The following NRG1 variants were observed in gnomAD, a reference collection of about 807,000 sequenced individuals.
NRG1 encodes neuregulin 1.
A neutral mutation model predicts 63.8 loss-of-function variants in NRG1; 18 were observed. That is an observed-to-expected ratio of 0.28 (90% CI 0.19 to 0.42). NRG1 has a LOEUF of 0.42. Ranked by LOEUF, NRG1 falls within the 10% of genes least tolerant of loss-of-function variation. The probability of loss-of-function intolerance (pLI) is 1.00; values close to 1 mark genes in which losing one functional copy is unlikely to be tolerated. For missense variants in NRG1, 762 were observed against 814.7 expected (o/e 0.94, Z 0.79); for synonymous variants, 302 against 301.3 (o/e 1.00, Z -0.02).
intron 1 of NRG1, among the ~76,000 whole-genome samples, chr8:31,784,665 C>T (rs1311769609): frequency 1.3e-5 from 2 of 152,154 alleles, no homozygotes; most frequent in African/African-American, 2.4e-5. Context: ...TACACAGCCA[C>T]ACCTTAGGAC....
chr8:31,689,868 G>A (rs906937655), intron 1 of NRG1, among the ~76,000 whole-genome samples: 1 of 152,172 alleles, frequency 6.6e-6, no homozygotes, highest in African/African-American at 2.4e-5. Flanking sequence ...CAGGTTTAGG[G>A]ATTGTTTGTA....
At chr8:31,976,082 T>C (rs367806537) in intron 1 of NRG1, among the ~76,000 whole-genome samples, 33 of 152,144 alleles carry the variant, frequency 2.2e-4, no homozygotes, top group African/African-American at 8.0e-4. Flanking sequence ...GGCTGTAAAG[T>C]GACATGTTGT....
chr8:32,579,356 C>T lies in NRG1; in HGVS notation c.101-16472C>T, dbSNP rs187675612. ...TAGATCTTCGTGGCTCACTTTAGAG[C>T]GTAACAGCACTGGGAGGTGATCTGA... On this transcript the variant is annotated intron_variant, in intron 1 of 11. Coordinates refer to ENST00000356819, the Ensembl canonical transcript of NRG1. Among the ~76,000 whole-genome samples, 1,378 of 152,204 alleles carry T rather than the reference C, an allele frequency of 9.1e-3. 23 individuals carry two copies. Among genetic ancestry groups the T allele is most frequent in the African/African-American group, 0.031 (1,298 of 41,524 alleles).
In NRG1 at chr8:32,210,394, G is replaced by A. The variant is rs540265679; in HGVS notation, c.38-385434G>A. Among the ~76,000 whole-genome samples the A allele has an allele frequency of 9.9e-5, 15 of 152,198 alleles. No homozygotes were observed. In the South Asian group the frequency reaches 1.0e-3, roughly 11 times the overall value. On this transcript the variant is annotated intron_variant, in intron 1 of 10. Transcript: ENST00000519301. ...TGACAATTTGTTGAAGACTAAAAGG[G>A]AAAAAGCCAAACACCTTAGTATGCT...
intron 7 of NRG1, among the ~76,000 whole-genome samples, chr8:32,752,191 G>A (rs1468957150): frequency 1.3e-5 from 2 of 152,114 alleles, no homozygotes; most frequent in Non-Finnish European, 2.9e-5. Context: ...TGGGTCCCAG[G>A]GAGAGAAGGA....
chr8:32,154,233 G>A (rs35345476), intron 1 of NRG1, among the ~76,000 whole-genome samples: 67,383 of 151,844 alleles, frequency 0.44, 16,816 homozygotes, highest in Admixed American at 0.57. Flanking sequence ...GCAGTTTTGC[G>A]ATCTCTCTAC....
At position 32,041,282 on chromosome 8, in the gene NRG1, T is replaced by G. The variant is rs185744750; in HGVS notation, c.37+401851T>G. The stretch of plus-strand genomic sequence containing the variant: ...GATTTCTCCTTCTTAATTACTACAT[T>G]TATTATGGTATTTACCCTGTTCAAA... On this transcript the variant is annotated intron_variant, in intron 1 of 10. Coordinates refer to the NRG1 transcript ENST00000519301. Among the ~76,000 whole-genome samples the G allele has an allele frequency of 2.1e-3, 319 of 152,296 alleles. 1 individual carries two copies. The highest frequency in any genetic ancestry group is 7.3e-3 in the African/African-American group (304 of 41,564).
intron 1 of NRG1, among the ~76,000 whole-genome samples, chr8:32,179,533 A>G (rs941818554): frequency 1.3e-5 from 2 of 152,234 alleles, no homozygotes; most frequent in Non-Finnish European, 2.9e-5. Context: ...TCCATTAAGT[A>G]ACTTGGCTGA....
At chr8:32,612,078 T>C (rs1385944621) in intron 3 of NRG1, among the ~76,000 whole-genome samples, 1 of 152,088 alleles carries the variant, frequency 6.6e-6, no homozygotes, top group East Asian at 1.9e-4. Flanking sequence ...CTGTGTTCAG[T>C]TTCTGATAAT....
chr8:32,389,725 C>T (rs1811468307), intron 1 of NRG1, among the ~76,000 whole-genome samples: 2 of 151,278 alleles, frequency 1.3e-5, no homozygotes, highest in South Asian at 2.1e-4. Flanking sequence ...ACAATTCTTA[C>T]AAGGTCCTGC....
chr8:32,441,712 C>T (rs2129487471), intron 1 of NRG1, among the ~76,000 whole-genome samples: 1 of 152,260 alleles, frequency 6.6e-6, no homozygotes, highest in South Asian at 2.1e-4. Flanking sequence ...AAGCTTTACT[C>T]TGGAGTCTCA....
intron 1 of NRG1, among the ~76,000 whole-genome samples, chr8:32,168,027 GA>G (rs1466819105): frequency 1.3e-5 from 2 of 151,918 alleles, no homozygotes; most frequent in African/African-American, 2.4e-5. Context: ...TCATTTAGGG[GA>G]AAAAAATATA....
chr8:32,279,105 G>A (rs372845368), intron 1 of NRG1, among the ~76,000 whole-genome samples: 105 of 152,286 alleles, frequency 6.9e-4, no homozygotes, highest in African/African-American at 2.2e-3. Context: ...CAATACTAGA[G>A]AAGCCCCAGA....
intron 1 of NRG1, among the ~76,000 whole-genome samples, chr8:32,260,001 A>G (rs988370276): frequency 2.0e-5 from 3 of 152,148 alleles, no homozygotes; most frequent in African/African-American, 7.2e-5. Flanking sequence ...AATTGTTCAT[A>G]AGCTCCAAAC....
chr8:32,682,130 A>C (rs1175697749), intron 5 of NRG1, among the ~76,000 whole-genome samples: 3 of 152,152 alleles, frequency 2.0e-5, no homozygotes, highest in Non-Finnish European at 4.4e-5. Context: ...AAATGACTGG[A>C]AAGTTTTTGC....
intron 1 of NRG1, among the ~76,000 whole-genome samples, chr8:31,734,209 C>T (rs1259737308): frequency 6.6e-6 from 1 of 152,166 alleles, no homozygotes; most frequent in Non-Finnish European, 1.5e-5. Context: ...ACCTATAGCC[C>T]TAGCTGCCTG....
intron 1 of NRG1, among the ~76,000 whole-genome samples, chr8:32,244,479 G>A (rs1368418894): frequency 7.2e-5 from 11 of 152,152 alleles, no homozygotes; most frequent in African/African-American, 2.2e-4. Flanking sequence ...GGAAATTAAA[G>A]AGATTATTTT....
chr8:32,754,556 C>A, intron 8 of NRG1, 82 bp downstream of exon 8: 1 of 1,260,600 alleles, frequency 7.9e-7, no homozygotes. Context: ...AATCTGAGCT[C>A]CACAGCCTAG....
At chr8:31,775,351 C>G (rs1296157708) in intron 1 of NRG1, among the ~76,000 whole-genome samples, 1 of 152,136 alleles carries the variant, frequency 6.6e-6, no homozygotes, top group East Asian at 1.9e-4. Context: ...AACAGAAAGT[C>G]AAGTATCACG....
Sources: gnomAD v4.1 joint callset for allele counts (sites outside exome capture counted in the v4.1 genomes callset) on GRCh38, gnomAD v4.1.1 for gene constraint, MANE v1.5 for transcripts, NCBI Gene and HGNC (gene_info 2026-07-23, HGNC 2026-07-21) for gene names.